TMEM117: variants seen among roughly 807,000 people sequenced by gnomAD.
TMEM117 encodes the protein transmembrane protein 117.
Under a neutral mutation model 52.4 loss-of-function variants are expected in TMEM117, and 27 were observed. That is an observed-to-expected ratio of 0.51 (90% CI 0.38 to 0.71). The LOEUF (loss-of-function observed/expected upper bound fraction) is 0.71, where lower values mean the gene tolerates loss of function less well. Ranked by LOEUF, TMEM117 falls within the 30% of genes least tolerant of loss-of-function variation. The pLI, the probability that TMEM117 is intolerant of heterozygous loss-of-function variation, is 0.00. For synonymous variants in TMEM117, 215 were observed against 206.3 expected, an observed-to-expected ratio of 1.04 and a Z score of -0.36; for missense variants, 556 against 630.5, an observed-to-expected ratio of 0.88 and a Z score of 1.26.
At chr12:43,808,807 G>A in the TMEM117 span, among the ~76,000 whole-genome samples, 4 of 93,270 alleles carry the variant, frequency 4.3e-5, no homozygotes, top group East Asian at 1.5e-3. Context: ...CTGTCTCAAA[G>A]GGGAGAAAAA....
rs60675070 is a variant in TMEM117 at position 44,289,550 on chromosome 12, CTTTT to C, written c.609-10013_609-10010del. 2.8e-3 allele frequency among the ~76,000 whole-genome samples: 338 copies of C among 121,944 alleles called. 2 individuals carry two copies. The highest frequency in any genetic ancestry group is 3.3e-3 in the African/African-American group (96 of 29,518). 80.0% of individuals were successfully genotyped at this position (121,944 alleles called of 152,430 possible). A position where few individuals can be genotyped will look rare whatever the true frequency, so the allele number is the denominator to read the frequency against. On this transcript the variant is annotated intron_variant, in intron 5 of 7. Transcript: ENST00000266534. The stretch of plus-strand genomic sequence containing the variant: ...AGAGATCTGTTTTCTTTTCTTTTCT[CTTTT>C]TTTTTTTTTTTTTTTTGAGACAGAG...
intron 2 of TMEM117, among the ~76,000 whole-genome samples, chr12:43,876,576 T>G (rs761059675): frequency 6.6e-6 from 1 of 152,334 alleles, no homozygotes; most frequent in Non-Finnish European, 1.5e-5. Context: ...TTAGAATGAT[T>G]ATACAATTTC....
Position 44,047,230 on chromosome 12 carries a change from AT to A in TMEM117, c.411-96293del, listed in dbSNP as rs541329190. Among the ~76,000 whole-genome samples the A allele has an allele frequency of 3.0e-3, 461 of 151,996 alleles. 3 individuals carry two copies. The highest frequency in any genetic ancestry group is 0.011 in the African/African-American group (448 of 41,428). On this transcript the variant is annotated intron_variant, in intron 3 of 7. Coordinates refer to ENST00000266534, the MANE Select transcript of TMEM117 (RefSeq NM_032256.3). ...CTAAATGCAGTGTCAGCAGTCTTTGATTCTGTTATTTTTTGCTCTCTGCATT... is the reference window on the plus strand; with the variant it reads ...CTAAATGCAGTGTCAGCAGTCTTTGATCTGTTATTTTTTGCTCTCTGCATT...
chr12:44,131,611 T>C (rs1440378540), intron 3 of TMEM117, among the ~76,000 whole-genome samples: 2 of 152,136 alleles, frequency 1.3e-5, no homozygotes, highest in African/African-American at 2.4e-5. Context: ...GGGAATTTAT[T>C]TTTCCTTAAT....
chr12:44,156,432 A>G (rs1418885473), intron 4 of TMEM117, among the ~76,000 whole-genome samples: 1 of 152,076 alleles, frequency 6.6e-6, no homozygotes, highest in Non-Finnish European at 1.5e-5. Flanking sequence ...TCATAAGGCT[A>G]TGATTCCCAA....
At chr12:44,067,719 G>C (rs1013333972) in intron 3 of TMEM117, among the ~76,000 whole-genome samples, 1 of 152,120 alleles carries the variant, frequency 6.6e-6, no homozygotes, top group African/African-American at 2.4e-5. Flanking sequence ...GGCAGAGTTA[G>C]GTATAGCATA....
intron 4 of TMEM117, among the ~76,000 whole-genome samples, chr12:44,201,226 A>G (rs956701404): frequency 2.0e-5 from 3 of 152,122 alleles, no homozygotes; most frequent in Non-Finnish European, 4.4e-5. Context: ...GAAGAAACAT[A>G]GAAGAAAGAA....
At chr12:44,248,094 G>A (rs75822286) in intron 5 of TMEM117, among the ~76,000 whole-genome samples, 10 of 152,248 alleles carry the variant, frequency 6.6e-5, no homozygotes, top group Admixed American at 5.2e-4. Context: ...AGTTGGGCGG[G>A]GAGACAGGAT....
At chr12:43,837,611 C>T (rs1272137554) in intron 1 of TMEM117, among the ~76,000 whole-genome samples, 4 of 152,168 alleles carry the variant, frequency 2.6e-5, no homozygotes, top group Non-Finnish European at 4.4e-5. Flanking sequence ...TCCAGAAATG[C>T]GGACATTACA....
chr12:44,105,305 T>A (rs73288033), intron 3 of TMEM117, among the ~76,000 whole-genome samples: 1 of 151,964 alleles, frequency 6.6e-6, no homozygotes, highest in Admixed American at 6.6e-5. Flanking sequence ...CTGGTTTTGA[T>A]CTCTAGAATT....
At chr12:44,206,632 A>G (rs1177059271) in intron 4 of TMEM117, among the ~76,000 whole-genome samples, 1 of 152,254 alleles carries the variant, frequency 6.6e-6, no homozygotes, top group Non-Finnish European at 1.5e-5. Context: ...CTATGCAGCC[A>G]TAAAAAATAA....
chr12:44,053,402 C>T (rs1255856249), intron 3 of TMEM117, among the ~76,000 whole-genome samples: 1 of 152,134 alleles, frequency 6.6e-6, no homozygotes, highest in Non-Finnish European at 1.5e-5. Flanking sequence ...GCTTCTGTGC[C>T]CTCTCCAACT....
intron 5 of TMEM117, among the ~76,000 whole-genome samples, chr12:44,272,566 AAC>A (rs1950460123): frequency 1.3e-5 from 2 of 152,344 alleles, no homozygotes; most frequent in South Asian, 4.1e-4. Flanking sequence ...GAAGGATATG[AAC>A]AAGACACTTC....
At chr12:43,985,409 A>G (rs555117804) in intron 3 of TMEM117, among the ~76,000 whole-genome samples, 1 of 152,346 alleles carries the variant, frequency 6.6e-6, no homozygotes, top group East Asian at 1.9e-4. Flanking sequence ...CCTATTCCAA[A>G]GAAACACTGA....
At chr12:43,895,612 A>T (rs953542299) in intron 2 of TMEM117, among the ~76,000 whole-genome samples, 1 of 152,210 alleles carries the variant, frequency 6.6e-6, no homozygotes, top group Non-Finnish European at 1.5e-5. Context: ...TTTAATTCAC[A>T]TATCAAAACA....
intron 5 of TMEM117, among the ~76,000 whole-genome samples, chr12:44,272,285 T>G (rs1244287588): frequency 5.9e-5 from 9 of 152,020 alleles, no homozygotes; most frequent in African/African-American, 2.2e-4. Context: ...CAGGACCTAA[T>G]CACTTCACCA....
intron 5 of TMEM117, chr12:44,248,873 A>T (rs557052898): frequency 4.5e-5 from 7 of 155,688 alleles, no homozygotes; most frequent in Non-Finnish European, 1.0e-4. Context: ...TTTGTGTCTT[A>T]ACCAGAGCCA....
intron 3 of TMEM117, among the ~76,000 whole-genome samples, chr12:43,993,999 T>C (rs938384915): frequency 1.3e-5 from 2 of 152,108 alleles, no homozygotes; most frequent in African/African-American, 2.4e-5. Flanking sequence ...CTGGACAAGA[T>C]TTTTATTTTC....
intron 4 of TMEM117, among the ~76,000 whole-genome samples, chr12:44,198,446 G>A (rs1949449882): frequency 6.6e-6 from 1 of 152,006 alleles, no homozygotes. Flanking sequence ...AAGAAAAGTT[G>A]GACCTCAAAT....
Sources: allele counts gnomAD v4.1 joint callset (sites outside exome capture counted in the v4.1 genomes callset), GRCh38; gene constraint gnomAD v4.1.1; transcripts MANE v1.5; gene names NCBI Gene and HGNC (gene_info 2026-07-23, HGNC 2026-07-21).